The following TMEM131 variants were observed in gnomAD, a reference collection of about 807,000 sequenced individuals.
TMEM131 encodes transmembrane protein 131.
TMEM131 carries 66 observed loss-of-function variants against 211.6 expected under a neutral mutation model. The ratio of observed to expected loss-of-function variants is 0.31; its 90% CI spans 0.26 to 0.38. The LOEUF is 0.38. Ranked by LOEUF, TMEM131 falls within the 10% of genes least tolerant of loss-of-function variation. The probability of loss-of-function intolerance (pLI) is 1.00; values close to 1 mark genes in which losing one functional copy is unlikely to be tolerated. For missense variants in TMEM131, 2,036 were observed against 2,299.3 expected, an observed-to-expected ratio of 0.89 and a Z score of 2.34; for synonymous variants, 844 against 841.3, an observed-to-expected ratio of 1.00 and a Z score of -0.06.
chr2:97,805,174 C>T lies in TMEM131; in HGVS notation c.2316G>A (p.Met772Ile). The change falls in exon 22 of 41, where the codon ATG (methionine) becomes ATA (isoleucine). Residue 772 changes from methionine to isoleucine, a missense_variant. Physicochemically the swap from Met to Ile is conservative, Grantham distance 10 (BLOSUM62 1). Transcript: ENST00000186436. ...AGTCAGCATCCCACATATCTTCCTGCATGGCTACACCAGGCTGCACTTTGG... is the reference window on the plus strand; with the variant it reads ...AGTCAGCATCCCACATATCTTCCTGTATGGCTACACCAGGCTGCACTTTGG... ...SEPKVQPGVA[M>I]QEDMWDADWD... 6.2e-7 allele frequency: 1 copy of T among 1,613,894 alleles called. No individual in the cohort carries two copies.
chr2:97,818,776 TG>T (rs1398852819), intron 11 of TMEM131, 55 bp from the exon 12 acceptor site: 10 of 1,178,022 alleles, frequency 8.5e-6, no homozygotes, highest in Non-Finnish European at 1.2e-5. Context: ...ATGGTTCAGT[TG>T]CCTTATACTT....
chr2:97,786,596 G>T (rs923697702), intron 31 of TMEM131, among the ~76,000 whole-genome samples: 2 of 152,152 alleles, frequency 1.3e-5, no homozygotes, highest in African/African-American at 4.8e-5. Flanking sequence ...GGTACCTTGG[G>T]GCTAACCTCA....
At chr2:97,824,165 C>T (rs933668192) in intron 11 of TMEM131, among the ~76,000 whole-genome samples, 1 of 152,234 alleles carries the variant, frequency 6.6e-6, no homozygotes, top group African/African-American at 2.4e-5. Flanking sequence ...AAGCCACCCC[C>T]TCACCCATGT....
intron 2 of TMEM131, among the ~76,000 whole-genome samples, chr2:97,921,752 TAACGG>T (rs1334656715): frequency 1.3e-5 from 2 of 152,100 alleles, no homozygotes; most frequent in Non-Finnish European, 2.9e-5. Context: ...GTAAAAGACT[TAACGG>T]ATGTCACAAA....
intron 2 of TMEM131, among the ~76,000 whole-genome samples, chr2:97,926,530 T>C (rs1478482365): frequency 6.6e-6 from 1 of 152,202 alleles, no homozygotes; most frequent in Non-Finnish European, 1.5e-5. Flanking sequence ...ATCTCAATAT[T>C]AGACATTCTG....
At chr2:97,822,216 T>C (rs1682158119) in intron 11 of TMEM131, among the ~76,000 whole-genome samples, 1 of 151,918 alleles carries the variant, frequency 6.6e-6, no homozygotes, top group African/African-American at 2.4e-5. Context: ...TTTAGGCACC[T>C]GGACTCACCA....
chr2:97,946,066 T>C (rs1221764458), intron 1 of TMEM131, among the ~76,000 whole-genome samples: 1 of 152,104 alleles, frequency 6.6e-6, no homozygotes. Flanking sequence ...GTTAAAATGA[T>C]GCTTATGCCA....
intron 4 of TMEM131, among the ~76,000 whole-genome samples, chr2:97,865,236 G>A (rs1450682180): frequency 1.3e-5 from 2 of 152,198 alleles, no homozygotes; most frequent in Non-Finnish European, 2.9e-5. Flanking sequence ...TGATATGTTT[G>A]GAGTAAATTA....
intron 2 of TMEM131, among the ~76,000 whole-genome samples, chr2:97,911,877 A>G (rs544197736): frequency 1.9e-4 from 29 of 152,318 alleles, no homozygotes; most frequent in African/African-American, 6.5e-4. Flanking sequence ...AGGCATAAAC[A>G]TATCTTAAAA....
At chr2:97,822,752 C>T (rs923230456) in intron 11 of TMEM131, among the ~76,000 whole-genome samples, 1 of 152,110 alleles carries the variant, frequency 6.6e-6, no homozygotes, top group Admixed American at 6.5e-5. Flanking sequence ...GGTCCAGGGA[C>T]TGTTGTGGGT....
At chr2:97,869,594 A>G (rs1188690252) in intron 4 of TMEM131, among the ~76,000 whole-genome samples, 5 of 152,212 alleles carry the variant, frequency 3.3e-5, no homozygotes, top group Non-Finnish European at 5.9e-5. Context: ...GTGCTCAAAC[A>G]GGGCAGGCTG....
At chr2:97,881,723 A>AGGGGGGG (rs59488414) in intron 4 of TMEM131, among the ~76,000 whole-genome samples, 9 of 65,536 alleles carry the variant, frequency 1.4e-4, no homozygotes, top group Non-Finnish European at 1.8e-4. Flanking sequence ...AAAAAAAAAA[A>AGGGGGGG]GGGGGGGGGG....
At chr2:97,938,124 C>A (rs577553588) in intron 1 of TMEM131, among the ~76,000 whole-genome samples, 2 of 152,116 alleles carry the variant, frequency 1.3e-5, no homozygotes, top group African/African-American at 2.4e-5. Flanking sequence ...TATCAACTAA[C>A]GAGCAAAATA....
intron 25 of TMEM131, among the ~76,000 whole-genome samples, chr2:97,797,874 A>C (rs965963983): frequency 2.0e-5 from 3 of 152,256 alleles, no homozygotes; most frequent in East Asian, 3.8e-4. Flanking sequence ...TCAGCTAGAC[A>C]CATTAGCACA....
chr2:97,765,784 G>A (rs944368323), intron 35 of TMEM131, among the ~76,000 whole-genome samples: 1 of 152,016 alleles, frequency 6.6e-6, no homozygotes, highest in Admixed American at 6.6e-5. Flanking sequence ...CTTGTATAAG[G>A]CAAACAATTC....
At chr2:97,955,635 A>G (rs1474387675) in intron 1 of TMEM131, among the ~76,000 whole-genome samples, 4 of 152,212 alleles carry the variant, frequency 2.6e-5, no homozygotes, top group African/African-American at 9.6e-5. Flanking sequence ...AATCAATAAC[A>G]TTTCTATATA....
intron 31 of TMEM131, among the ~76,000 whole-genome samples, chr2:97,777,529 G>A (rs1028505918): frequency 6.6e-6 from 1 of 152,244 alleles, no homozygotes; most frequent in African/African-American, 2.4e-5. Context: ...GAGATAGTCT[G>A]TGGCCCATAA....
At chr2:97,982,429 CATG>C (rs1361661924) in intron 1 of TMEM131, among the ~76,000 whole-genome samples, 3 of 152,090 alleles carry the variant, frequency 2.0e-5, no homozygotes, top group African/African-American at 7.2e-5. Flanking sequence ...TTATCAGATA[CATG>C]ATTTGCGAAA....
intron 11 of TMEM131, among the ~76,000 whole-genome samples, chr2:97,822,114 C>A (rs559789295): frequency 6.6e-6 from 1 of 152,154 alleles, no homozygotes; most frequent in African/African-American, 2.4e-5. Context: ...AGGATAGTTC[C>A]GCTTCTAAAA....
Sources: allele counts gnomAD v4.1 joint callset (sites outside exome capture counted in the v4.1 genomes callset), GRCh38; gene constraint gnomAD v4.1.1; transcripts MANE v1.5; gene names NCBI Gene and HGNC (gene_info 2026-07-23, HGNC 2026-07-21).